EZH1: variants seen among roughly 807,000 people sequenced by gnomAD.
EZH1 encodes histone-lysine N-methyltransferase EZH1.
Under a neutral mutation model 100.5 loss-of-function variants are expected in EZH1, and 33 were observed. The ratio of observed to expected loss-of-function variants is 0.33; its 90% confidence interval spans 0.25 to 0.44. The LOEUF (loss-of-function observed/expected upper bound fraction) is 0.44. Among genes scored for constraint, EZH1 ranks in the 20% least tolerant of loss-of-function variants. The pLI is 1.00. For synonymous variants in EZH1, 272 were observed against 313.8 expected, an observed-to-expected ratio of 0.87 and a Z score of 1.41; for missense variants, 475 against 928.4, an observed-to-expected ratio of 0.51 and a Z score of 6.35.
chr17:42,737,494 C>A (rs1334369663), intron 1 of EZH1, among the ~76,000 whole-genome samples: 1 of 151,834 alleles, frequency 6.6e-6, no homozygotes, highest in Non-Finnish European at 1.5e-5. Context: ...TCCCAGCTAC[C>A]AGGGAGGCTG....
intron 1 of EZH1, 26 bp downstream of exon 1, chr17:42,744,985 C>A (rs983090210): frequency 4.0e-6 from 5 of 1,262,362 alleles, no homozygotes; most frequent in Admixed American, 2.5e-5. Context: ...CCCCACCGCC[C>A]GGCCCAGGCT....
intron 6 of EZH1, among the ~76,000 whole-genome samples, chr17:42,721,680 A>T (rs1457858671): frequency 2.1e-5 from 3 of 143,810 alleles, no homozygotes; most frequent in South Asian, 2.2e-4. Flanking sequence ...CTAGGGTAAT[A>T]AAAAAAAAAA....
intron 13 of EZH1, chr17:42,709,511 T>G (rs1328723767): frequency 8.9e-6 from 2 of 223,628 alleles, no homozygotes; most frequent in South Asian, 1.2e-4. Flanking sequence ...CTGATCAGAG[T>G]TGAGAAATGG....
intron 1 of EZH1, among the ~76,000 whole-genome samples, chr17:42,736,591 T>C (rs528218574): frequency 2.6e-5 from 4 of 152,230 alleles, no homozygotes; most frequent in African/African-American, 9.6e-5. Flanking sequence ...TCCCAGCACT[T>C]TGGGAGGCTG....
At chr17:42,717,318 T>A (rs1490400825) in intron 10 of EZH1, among the ~76,000 whole-genome samples, 2 of 152,242 alleles carry the variant, frequency 1.3e-5, no homozygotes, top group Non-Finnish European at 1.5e-5. Context: ...CATCTTTCCA[T>A]CTATTATCCC....
chr17:42,707,745 T>C (rs1013584250), intron 15 of EZH1, among the ~76,000 whole-genome samples: 3 of 152,116 alleles, frequency 2.0e-5, no homozygotes, highest in Non-Finnish European at 4.4e-5. Context: ...CTGATTTCTG[T>C]GTAATTGCTG....
Position 42,720,350 on chromosome 17 carries a change from T to A in EZH1, c.587A>T (p.Asp196Val). The part of the protein sequence containing the change: ...YSDEEEEGHN[D>V]TSDGKQDDSK... ...GTCATCCTGCTTTCCATCTGAGGTG[T>A]CATTGTGCCCTTCCTCCTCCTCATC... is the stretch of plus-strand genomic sequence containing the variant. Residue 196 changes from aspartate (D) to valine (V), a missense_variant, in exon 7 of 21, where the codon GAC becomes GTC. Transcript: ENST00000428826. 2 of 1,614,188 alleles carry A rather than the reference T, an allele frequency of 1.2e-6. No homozygotes were observed. Among genetic ancestry groups the A allele is most frequent in the Non-Finnish European group, 1.7e-6 (2 of 1,180,028 alleles).
Position 42,728,885 on chromosome 17 carries a change from C to T in EZH1, c.57G>A (p.Val19=), listed in dbSNP as rs752587817. 3 of 1,613,712 alleles carry T rather than the reference C, an allele frequency of 1.9e-6. No homozygotes were observed. The highest frequency in any genetic ancestry group is 2.7e-5 in the African/African-American group (2 of 74,906). The change falls in exon 3 of 21, where the codon GTG becomes GTA. Residue 19 remains valine (V), a synonymous_variant. Coordinates refer to ENST00000428826, the MANE Select transcript of EZH1 (RefSeq NM_001991.5). ...GTCGAAGTCGCATGTATTCAGATTT[C>T]ACTTTTCTTTTCCAGTAAGTGATAC... is the stretch of plus-strand genomic sequence containing the variant. The part of the protein sequence containing the change: ...SKCITYWKRK[V]KSEYMRLRQL...
chr17:42,721,046 C>T (rs2053697055), intron 6 of EZH1, among the ~76,000 whole-genome samples: 1 of 152,236 alleles, frequency 6.6e-6, no homozygotes, highest in African/African-American at 2.4e-5. Flanking sequence ...CAAACAATCT[C>T]CAAGTAGGGC....
At chr17:42,732,636 C>T (rs560280585) in intron 1 of EZH1, among the ~76,000 whole-genome samples, 262 of 152,202 alleles carry the variant, frequency 1.7e-3, no homozygotes, top group African/African-American at 6.0e-3. Context: ...GGCGAGGTGG[C>T]GGGCGCCTGT....
chr17:42,708,797 A>G, intron 14 of EZH1, 79 bp downstream of exon 14: 1 of 1,469,208 alleles, frequency 6.8e-7, no homozygotes, highest in Non-Finnish European at 9.5e-7. Flanking sequence ...CAACAAGTGC[A>G]GCTGGAGGTG....
chr17:42,704,037 T>C (rs2053299513), intron 18 of EZH1, among the ~76,000 whole-genome samples: 1 of 152,182 alleles, frequency 6.6e-6, no homozygotes, highest in Admixed American at 6.6e-5. Context: ...ATTATGGATC[T>C]TCTCATCTAC....
At chr17:42,733,337 C>CA (rs1204785901) in intron 1 of EZH1, among the ~76,000 whole-genome samples, 5,030 of 74,558 alleles carry the variant, frequency 0.067, 249 homozygotes, top group African/African-American at 0.16. Context: ...AACTCTGTCT[C>CA]AAAAAAAAAA....
In EZH1 at chr17:42,708,421, G is replaced by A. The variant is rs138532157; in HGVS notation, c.1535-338C>T. 9.7e-3 allele frequency among the ~76,000 whole-genome samples: 1,476 copies of A among 152,240 alleles called. 26 individuals are homozygous for A. Among genetic ancestry groups the A allele is most frequent in the African/African-American group, 0.034 (1,418 of 41,540 alleles). On this transcript the variant is annotated intron_variant, in intron 14 of 20. Transcript: ENST00000428826. Reference sequence around the variant, plus strand: ...TGTAATCCCAGCACTTTGCGAGGCCGAGGCAGGTGGATCATTTGAGGTCAG... The same window carrying A: ...TGTAATCCCAGCACTTTGCGAGGCCAAGGCAGGTGGATCATTTGAGGTCAG...
At chr17:42,707,694 A>G (rs2053387388) in intron 15 of EZH1, among the ~76,000 whole-genome samples, 1 of 151,958 alleles carries the variant, frequency 6.6e-6, no homozygotes, top group African/African-American at 2.4e-5. Context: ...TGCCCCCCAC[A>G]TTTCTTAATT....
intron 12 of EZH1, among the ~76,000 whole-genome samples, 197 bp from the exon 13 acceptor site, chr17:42,710,134 C>G (rs1234909460): frequency 1.3e-5 from 2 of 152,136 alleles, no homozygotes; most frequent in African/African-American, 4.8e-5. Context: ...TTTATCCTGA[C>G]TCAGGAAAGG....
chr17:42,702,220 G>A lies in EZH1; in HGVS notation c.*312C>T. On this transcript the variant is annotated 3_prime_UTR_variant, in exon 21 of 21. Transcript: ENST00000428826. ...AAGTTGATTCCTGAGGCCACAGCCT[G>A]GGGAGCCGACACGAAATCACGCATA... is the stretch of plus-strand genomic sequence containing the variant. 6.6e-6 allele frequency: 2 copies of A among 304,018 alleles called. No homozygotes were observed. The highest frequency in any genetic ancestry group is 9.1e-5 in the Admixed American group (2 of 21,924). 18.8% of individuals were successfully genotyped at this position (304,018 alleles called of 1,614,324 possible).
rs768293257 is a variant in EZH1 at position 42,720,345 on chromosome 17, A to C, written c.592T>G (p.Ser198Ala). 2.5e-6 allele frequency: 4 copies of C among 1,614,000 alleles called. No individual in the cohort carries two copies. The highest frequency in any genetic ancestry group is 3.4e-6 in the Non-Finnish European group (4 of 1,180,024). ...TTGCTGTCATCCTGCTTTCCATCTG[A>C]GGTGTCATTGTGCCCTTCCTCCTCC... The part of the protein sequence containing the change: ...DEEEEGHNDT[S>A]DGKQDDSKED... Residue 198 changes from serine (S) to alanine (A), a missense_variant, in exon 7 of 21, where the codon TCA becomes GCA. Around this residue, in one of 8 missense-constraint regions of EZH1, gnomAD observed 180 missense variants for 295.3 expected, o/e 0.61. Transcript: ENST00000428826.
intron 14 of EZH1, 196 bp from the exon 15 acceptor site, chr17:42,708,279 G>A (rs111391289): frequency 6.0e-5 from 33 of 547,984 alleles, no homozygotes; most frequent in African/African-American, 4.0e-4. Context: ...TTGTGGGGAG[G>A]GTGTGGAGAT....
Sources: gnomAD v4.1 joint callset for allele counts (sites outside exome capture counted in the v4.1 genomes callset) on GRCh38, gnomAD v4.1.1 for gene constraint, gnomAD v4.1.1 regional missense constraint, MANE v1.5 for transcripts, NCBI Gene and HGNC (gene_info 2026-07-23, HGNC 2026-07-21) for gene names.